Variants in IGFBP7 observed in about 807,000 individuals in gnomAD.
IGFBP7 encodes insulin-like growth factor-binding protein 7.
Under a neutral mutation model 29.4 loss-of-function variants are expected in IGFBP7, and 31 were observed. The ratio of observed to expected loss-of-function variants is 1.05; its 90% CI spans 0.79 to 1.42. The LOEUF is 1.42. IGFBP7 is among the 40% of genes most tolerant of loss of function. The pLI is 0.00. For missense variants in IGFBP7, 393 were observed against 395.5 expected (o/e 0.99, Z 0.05); for synonymous variants, 172 against 174.9 (o/e 0.98, Z 0.13).
intron 1 of IGFBP7, among the ~76,000 whole-genome samples, chr4:57,108,074 C>T (rs1012375857): frequency 1.3e-5 from 2 of 152,190 alleles, no homozygotes; most frequent in Non-Finnish European, 2.9e-5. Context: ...AAATAACGCA[C>T]ATTTATCTTT....
chr4:57,071,033 C>A (rs1033086438), intron 1 of IGFBP7, among the ~76,000 whole-genome samples: 10 of 152,158 alleles, frequency 6.6e-5, no homozygotes, highest in Non-Finnish European at 1.5e-5. Context: ...ACACACCTGG[C>A]CCTGCAAGTT....
At chr4:57,068,235 A>G (rs1302037921) in intron 1 of IGFBP7, among the ~76,000 whole-genome samples, 1 of 151,566 alleles carries the variant, frequency 6.6e-6, no homozygotes, top group Non-Finnish European at 1.5e-5. Flanking sequence ...GGTTGCAGTG[A>G]GCCAAGATCG....
chr4:57,031,525 T>C (rs1013047704), intron 4 of IGFBP7, among the ~76,000 whole-genome samples, 189 bp from the exon 5 acceptor site: 2 of 152,208 alleles, frequency 1.3e-5, no homozygotes, highest in African/African-American at 4.8e-5. Context: ...ATTTTAGCTA[T>C]GAAAGGCAAT....
intron 1 of IGFBP7, among the ~76,000 whole-genome samples, chr4:57,068,714 G>A (rs576904996): frequency 6.6e-6 from 1 of 152,308 alleles, no homozygotes; most frequent in South Asian, 2.1e-4. Context: ...CTGCCAAGCA[G>A]TAAACCAAGA....
intron 1 of IGFBP7, among the ~76,000 whole-genome samples, chr4:57,106,329 A>G (rs546539353): frequency 1.3e-5 from 2 of 152,298 alleles, no homozygotes; most frequent in East Asian, 1.9e-4. Flanking sequence ...CATCATGCTT[A>G]TGAACTACAA....
At chr4:57,046,757 C>A (rs1724370807) in intron 1 of IGFBP7, among the ~76,000 whole-genome samples, 1 of 149,710 alleles carries the variant, frequency 6.7e-6, no homozygotes, top group African/African-American at 2.5e-5. Context: ...TTGTACCCAC[C>A]CTCGGCAACT....
intron 1 of IGFBP7, among the ~76,000 whole-genome samples, chr4:57,060,929 C>G (rs1724782600): frequency 6.6e-6 from 1 of 151,822 alleles, no homozygotes; most frequent in Non-Finnish European, 1.5e-5. Context: ...TTCCTGTAGT[C>G]CCAGCTACTC....
intron 1 of IGFBP7, among the ~76,000 whole-genome samples, chr4:57,052,191 AC>A (rs2109755807): frequency 6.6e-6 from 1 of 152,162 alleles, no homozygotes; most frequent in African/African-American, 2.4e-5. Context: ...AAAGGGGAAG[AC>A]TTGGGGGATT....
chr4:57,073,107 A>C (rs1725098740), intron 1 of IGFBP7: 1 of 1,595,384 alleles, frequency 6.3e-7, no homozygotes, highest in Non-Finnish European at 8.6e-7. Flanking sequence ...ACCTACTTAA[A>C]GCAGGTCACC....
chr4:57,108,234 A>G (rs1726083839), intron 1 of IGFBP7, among the ~76,000 whole-genome samples: 2 of 152,234 alleles, frequency 1.3e-5, no homozygotes, highest in South Asian at 2.1e-4. Context: ...AAGGCTTTCA[A>G]TAGTGAACTC....
Position 57,064,903 on chromosome 4 carries a change from C to T in IGFBP7, c.476-23970G>A, listed in dbSNP as rs116366090. 2.7e-3 allele frequency among the ~76,000 whole-genome samples: 414 copies of T among 152,338 alleles called. 3 individuals are homozygous for T. The highest frequency in any genetic ancestry group is 8.7e-3 in the African/African-American group (363 of 41,590). On this transcript the variant is annotated intron_variant, in intron 1 of 4. Transcript: ENST00000295666. ...TTGGCTGGCTACCATGGAAACAGTG[C>T]GAAGCTAAGAGATTAGGAAGGTGCT...
chr4:57,080,735 G>C (rs531882413), intron 1 of IGFBP7, among the ~76,000 whole-genome samples: 13 of 152,272 alleles, frequency 8.5e-5, no homozygotes, highest in South Asian at 2.1e-4. Context: ...TGACCAGAGA[G>C]AATACTAGTC....
chr4:57,035,321 T>G (rs922495827), intron 2 of IGFBP7, among the ~76,000 whole-genome samples: 1 of 152,224 alleles, frequency 6.6e-6, no homozygotes, highest in Non-Finnish European at 1.5e-5. Context: ...TTTTAATTAA[T>G]GTTACGTAAT....
intron 2 of IGFBP7, among the ~76,000 whole-genome samples, chr4:57,033,863 C>A (rs1724011393): frequency 6.6e-6 from 1 of 151,942 alleles, no homozygotes; most frequent in African/African-American, 2.4e-5. Context: ...CCAGACTGAC[C>A]AACATGACAA....
chr4:57,075,128 C>T (rs1325464767), intron 1 of IGFBP7, among the ~76,000 whole-genome samples: 1 of 152,116 alleles, frequency 6.6e-6, no homozygotes, highest in Non-Finnish European at 1.5e-5. Flanking sequence ...AATTAAAATC[C>T]CACAAATAAG....
At chr4:57,063,717 G>A (rs1347962957) in intron 1 of IGFBP7, among the ~76,000 whole-genome samples, 2 of 152,120 alleles carry the variant, frequency 1.3e-5, no homozygotes, top group African/African-American at 2.4e-5. Context: ...TTTACAAATT[G>A]GTCCTCAGCT....
At chr4:57,105,962 A>G (rs373416766) in intron 1 of IGFBP7, among the ~76,000 whole-genome samples, 1 of 140,954 alleles carries the variant, frequency 7.1e-6, no homozygotes, top group African/African-American at 2.7e-5. Context: ...GCAGGAGTGC[A>G]GTGGTGCTAT....
intron 1 of IGFBP7, among the ~76,000 whole-genome samples, chr4:57,108,709 T>A (rs940085462): frequency 1.3e-5 from 2 of 152,012 alleles, no homozygotes; most frequent in African/African-American, 4.8e-5. Flanking sequence ...GCCCAGCTAA[T>A]GTATATATAT....
chr4:57,057,987 A>G lies in IGFBP7; in HGVS notation c.476-17054T>C, dbSNP rs190349487. 5.6e-4 allele frequency among the ~76,000 whole-genome samples: 86 copies of G among 152,306 alleles called. No homozygotes were observed. In the East Asian group the frequency reaches 9.2e-3, roughly 16 times the overall value. ...TACATATGACTTTGACCTGTCTCCA[A>G]ATTTCCACCCCATATCCATGGGAGC... is the stretch of plus-strand genomic sequence containing the variant. On this transcript the variant is annotated intron_variant, in intron 1 of 4. Transcript: ENST00000295666.
Sources: allele counts gnomAD v4.1 joint callset (sites outside exome capture counted in the v4.1 genomes callset), GRCh38; gene constraint gnomAD v4.1.1; transcripts MANE v1.5; gene names NCBI Gene and HGNC (gene_info 2026-07-23, HGNC 2026-07-21).